PRKCA: variants seen among roughly 807,000 people sequenced by gnomAD.
The protein encoded by PRKCA is protein kinase C alpha type.
PRKCA carries 27 observed loss-of-function variants against 87.0 expected under a neutral mutation model. The ratio of observed to expected loss-of-function variants is 0.31; its 90% CI spans 0.23 to 0.43. The LOEUF (loss-of-function observed/expected upper bound fraction) is 0.43, where lower values mean the gene tolerates loss of function less well. Ranked by LOEUF, PRKCA falls within the 20% of genes least tolerant of loss-of-function variation. The probability of loss-of-function intolerance (pLI) is 1.00; values close to 1 mark genes in which losing one functional copy is unlikely to be tolerated. For synonymous variants in PRKCA, 329 were observed against 311.1 expected (o/e 1.06, Z -0.61); for missense variants, 518 against 852.3 (o/e 0.61, Z 4.88).
At chr17:66,373,228 TATC>T (rs1460541385) in intron 2 of PRKCA, among the ~76,000 whole-genome samples, 5 of 152,182 alleles carry the variant, frequency 3.3e-5, no homozygotes, top group Non-Finnish European at 5.9e-5. Flanking sequence ...TGTAAAAAAA[TATC>T]ATAATACAGC....
intron 2 of PRKCA, among the ~76,000 whole-genome samples, chr17:66,385,637 G>A (rs1388582706): frequency 1.3e-5 from 2 of 152,224 alleles, no homozygotes; most frequent in African/African-American, 4.8e-5. Flanking sequence ...CGTGGCCAGA[G>A]GATTGCTTGA....
intron 13 of PRKCA, among the ~76,000 whole-genome samples, chr17:66,758,884 T>G (rs1974616204): frequency 6.6e-6 from 1 of 152,228 alleles, no homozygotes; most frequent in Non-Finnish European, 1.5e-5. Flanking sequence ...ATACTTTTAG[T>G]ATTCTTGATC....
intron 3 of PRKCA, among the ~76,000 whole-genome samples, chr17:66,544,445 AAAAAG>A (rs59520549): frequency 0.029 from 4,480 of 152,304 alleles, 200 homozygotes; most frequent in African/African-American, 0.1. Flanking sequence ...TGCTGGTTTA[AAAAAG>A]AAAAGACTAA....
intron 11 of PRKCA, among the ~76,000 whole-genome samples, chr17:66,739,388 C>A (rs1166635961): frequency 6.6e-6 from 1 of 152,158 alleles, no homozygotes; most frequent in East Asian, 1.9e-4. Context: ...TCACCCAGGT[C>A]CACCCTTGTT....
At chr17:66,333,463 A>G (rs1906472863) in intron 2 of PRKCA, among the ~76,000 whole-genome samples, 1 of 152,238 alleles carries the variant, frequency 6.6e-6, no homozygotes, top group Non-Finnish European at 1.5e-5. Context: ...GGGCATCTGC[A>G]TTAACGTGAT....
chr17:66,520,740 A>G (rs577467110), intron 3 of PRKCA, among the ~76,000 whole-genome samples: 6 of 152,132 alleles, frequency 3.9e-5, no homozygotes, highest in South Asian at 2.1e-4. Flanking sequence ...ACACTTTTCT[A>G]CTCTATATTC....
intron 2 of PRKCA, among the ~76,000 whole-genome samples, chr17:66,409,212 A>T (rs1598647978): frequency 6.6e-6 from 1 of 152,006 alleles, no homozygotes; most frequent in East Asian, 1.9e-4. Flanking sequence ...GATGGGATGG[A>T]GGCAGGGGGT....
intron 3 of PRKCA, among the ~76,000 whole-genome samples, chr17:66,577,613 G>A (rs549286025): frequency 1.8e-4 from 28 of 152,278 alleles, no homozygotes; most frequent in African/African-American, 5.5e-4. Flanking sequence ...CTCTGGTTAC[G>A]TCTTGGAGAT....
rs533310440 is a variant in PRKCA, at chr17:66,805,996, C to G, written c.*1959C>G. On this transcript the variant is annotated 3_prime_UTR_variant, in exon 17 of 17. Coordinates refer to ENST00000413366, the MANE Select transcript of PRKCA (RefSeq NM_002737.3). ...CAACACAGCCGTGCCCTGCAGGCAC[C>G]AGCACGTGCTTTTCAGAGGCTGCGG... 1 of 152,348 alleles carries G rather than the reference C, an allele frequency of 6.6e-6. No homozygotes were observed. The highest frequency in any genetic ancestry group is 1.9e-4 in the East Asian group (1 of 5,174). The allele number at this position is 152,348 out of a possible 1,614,324, so 9.4% of individuals were successfully genotyped here.
intron 2 of PRKCA, among the ~76,000 whole-genome samples, chr17:66,373,713 A>T (rs369316702): frequency 1.3e-5 from 2 of 152,340 alleles, no homozygotes; most frequent in African/African-American, 4.8e-5. Flanking sequence ...AATCACAGAG[A>T]TGCTAAACCA....
intron 3 of PRKCA, among the ~76,000 whole-genome samples, chr17:66,546,747 G>A (rs1968155865): frequency 1.3e-5 from 2 of 152,168 alleles, no homozygotes; most frequent in African/African-American, 4.8e-5. Flanking sequence ...TAAAGGCTTC[G>A]AGATATTGTT....
chr17:66,510,822 T>C (rs1469015080), intron 3 of PRKCA, among the ~76,000 whole-genome samples: 1 of 152,134 alleles, frequency 6.6e-6, no homozygotes, highest in Non-Finnish European at 1.5e-5. Context: ...CATGGCTCAC[T>C]GCAACATCAA....
chr17:66,641,147 ACTCTGT>A (rs1971285544), intron 3 of PRKCA, among the ~76,000 whole-genome samples: 1 of 151,058 alleles, frequency 6.6e-6, no homozygotes, highest in African/African-American at 2.4e-5. Context: ...GACGAGCAAG[ACTCTGT>A]CTCAAAAAAC....
intron 3 of PRKCA, among the ~76,000 whole-genome samples, chr17:66,544,210 C>T (rs780700707): frequency 5.3e-5 from 8 of 152,010 alleles, no homozygotes; most frequent in Non-Finnish European, 8.8e-5. Flanking sequence ...GGCGACACAG[C>T]GAGACCCCAT....
intron 2 of PRKCA, among the ~76,000 whole-genome samples, chr17:66,350,605 C>T (rs1056818913): frequency 6.6e-6 from 1 of 152,166 alleles, no homozygotes; most frequent in Non-Finnish European, 1.5e-5. Context: ...TCACTGCACC[C>T]TTGACCTCCC....
intron 8 of PRKCA, among the ~76,000 whole-genome samples, chr17:66,716,430 G>A (rs993999795): frequency 5.9e-5 from 9 of 152,160 alleles, no homozygotes; most frequent in African/African-American, 1.4e-4. Context: ...GGCATCAGAC[G>A]CAAGTGTGCC....
At chr17:66,766,928 A>C (rs1974824855) in intron 13 of PRKCA, among the ~76,000 whole-genome samples, 1 of 152,228 alleles carries the variant, frequency 6.6e-6, no homozygotes, top group Non-Finnish European at 1.5e-5. Context: ...AATTTTATTC[A>C]AGTGCTTTTG....
intron 3 of PRKCA, among the ~76,000 whole-genome samples, chr17:66,591,217 A>G (rs1173738853): frequency 1.3e-5 from 2 of 152,132 alleles, no homozygotes; most frequent in East Asian, 3.9e-4. Context: ...TAGCGGCATG[A>G]TCAGGGCTCG....
At chr17:66,625,624 T>A (rs1051739781) in intron 3 of PRKCA, among the ~76,000 whole-genome samples, 1 of 152,206 alleles carries the variant, frequency 6.6e-6, no homozygotes, top group African/African-American at 2.4e-5. Context: ...CAGGGGAAAA[T>A]AGCCTTCTGT....
Sources: gnomAD v4.1 joint callset for allele counts (sites outside exome capture counted in the v4.1 genomes callset) on GRCh38, gnomAD v4.1.1 for gene constraint, MANE v1.5 for transcripts, NCBI Gene and HGNC (gene_info 2026-07-23, HGNC 2026-07-21) for gene names.